The following ANKRD30B variants were observed in gnomAD, a reference collection of about 807,000 sequenced individuals.
ANKRD30B encodes ankyrin repeat domain 30B.
In ANKRD30B, 144 loss-of-function variants were observed where a neutral mutation model predicts 202.2. That is an observed-to-expected ratio of 0.71 (90% CI 0.62 to 0.82). ANKRD30B has a LOEUF of 0.82. Among genes scored for constraint, ANKRD30B ranks in the 40% least tolerant of loss-of-function variants. The pLI is 0.00. For missense variants in ANKRD30B, 1,487 were observed against 1,669.1 expected (o/e 0.89, Z 1.90); for synonymous variants, 508 against 561.3 (o/e 0.91, Z 1.34).
At chr18:14,798,293 AG>A (rs1403837741) in intron 20 of ANKRD30B, among the ~76,000 whole-genome samples, 1 of 152,090 alleles carries the variant, frequency 6.6e-6, no homozygotes, top group Non-Finnish European at 1.5e-5. Context: ...TTTGATTATG[AG>A]GTGAGATGGT....
chr18:14,842,531 G>A (rs28454867), intron 37 of ANKRD30B, among the ~76,000 whole-genome samples: 60,483 of 151,788 alleles, frequency 0.4, 13,436 homozygotes, highest in East Asian at 0.58. Context: ...AATATATGGC[G>A]TAGGATTCTA....
At chr18:14,766,386 T>C (rs1367472752) in intron 7 of ANKRD30B, among the ~76,000 whole-genome samples, 1 of 136,450 alleles carries the variant, frequency 7.3e-6, no homozygotes, top group Non-Finnish European at 1.5e-5. Flanking sequence ...GGCAGGAGAA[T>C]GGCATGAACC....
the ANKRD30B span, among the ~76,000 whole-genome samples, chr18:14,889,830 A>G: frequency 2.0e-5 from 3 of 151,972 alleles, no homozygotes; most frequent in East Asian, 1.9e-4. Flanking sequence ...TCACACAGAA[A>G]ACATTTTTTC....
At chr18:14,753,451 A>G (rs1372618446) in intron 3 of ANKRD30B, among the ~76,000 whole-genome samples, 1 of 152,138 alleles carries the variant, frequency 6.6e-6, no homozygotes, top group Non-Finnish European at 1.5e-5. Context: ...TTCTAGCTTT[A>G]CACAAAGCAT....
chr18:14,768,228 T>C (rs1170190875), intron 7 of ANKRD30B, among the ~76,000 whole-genome samples: 1 of 152,182 alleles, frequency 6.6e-6, no homozygotes, highest in African/African-American at 2.4e-5. Context: ...ACCTTCCAGA[T>C]AGCTGAACAT....
At chr18:14,933,507 G>A in the ANKRD30B span, among the ~76,000 whole-genome samples, 1 of 152,102 alleles carries the variant, frequency 6.6e-6, no homozygotes, top group African/African-American at 2.4e-5. Flanking sequence ...CAAGGGCCAG[G>A]AAATCGGGAC....
the ANKRD30B span, among the ~76,000 whole-genome samples, chr18:14,931,662 G>A: frequency 6.6e-6 from 1 of 152,124 alleles, no homozygotes; most frequent in African/African-American, 2.4e-5. Flanking sequence ...AAAATAGGCA[G>A]CTGGACAACA....
chr18:14,852,238 C>G lies in ANKRD30B; in HGVS notation c.4294C>G (p.Leu1432Val). ...TCAACTAGAAAGCAAAAATAGGTGG[C>G]TTCGACAGCAATTAGTTTATGCACA... ...LFQLESKNRW[L>V]RQQLVYAHKK... The change falls in exon 42 of 44, where the codon CTT (leucine) becomes GTT (valine). Residue 1432 changes from leucine to valine, a missense_variant. Leu to Val is a conservative substitution (Grantham distance 32). Around this residue, in one of 6 missense-constraint regions of ANKRD30B, gnomAD observed 182 missense variants for 216.0 expected, o/e 0.84. Transcript: ENST00000690538. The G allele has an allele frequency of 6.4e-7, 1 of 1,567,318 alleles. No individual in the cohort carries two copies. Among genetic ancestry groups the G allele is most frequent in the Non-Finnish European group, 8.7e-7 (1 of 1,155,448 alleles).
At chr18:14,766,107 G>A (rs982976486) in intron 7 of ANKRD30B, among the ~76,000 whole-genome samples, 1 of 151,960 alleles carries the variant, frequency 6.6e-6, no homozygotes, top group African/African-American at 2.4e-5. Context: ...AAAAAGCTAG[G>A]GGACAGAGAA....
chr18:14,921,321 G>A, the ANKRD30B span, among the ~76,000 whole-genome samples: 3 of 150,306 alleles, frequency 2.0e-5, no homozygotes, highest in African/African-American at 7.5e-5. Context: ...CAGCAGAGGT[G>A]GAGAGGGCAG....
intron 7 of ANKRD30B, among the ~76,000 whole-genome samples, chr18:14,764,812 A>C (rs780049680): frequency 3.3e-5 from 5 of 152,218 alleles, no homozygotes; most frequent in Non-Finnish European, 7.3e-5. Context: ...GAAAACTTGG[A>C]AGCTTGCAAT....
the ANKRD30B span, among the ~76,000 whole-genome samples, chr18:14,875,887 T>G: frequency 6.6e-6 from 1 of 152,138 alleles, no homozygotes; most frequent in Non-Finnish European, 1.5e-5. Flanking sequence ...CAATGGGCGC[T>G]AAGAATTCTT....
intron 34 of ANKRD30B, among the ~76,000 whole-genome samples, chr18:14,832,234 T>C (rs1206423966): frequency 1.3e-5 from 2 of 152,150 alleles, no homozygotes; most frequent in African/African-American, 4.8e-5. Flanking sequence ...GAAATGTAAA[T>C]TCTCTTTCTC....
At chr18:14,769,978 T>C (rs1439341305) in intron 8 of ANKRD30B, among the ~76,000 whole-genome samples, 1 of 152,224 alleles carries the variant, frequency 6.6e-6, no homozygotes, top group African/African-American at 2.4e-5. Context: ...TAGTGGAGAA[T>C]AGATATAGAT....
chr18:14,831,826 CTT>C (rs1970958211), intron 34 of ANKRD30B, among the ~76,000 whole-genome samples: 1 of 152,086 alleles, frequency 6.6e-6, no homozygotes, highest in South Asian at 2.1e-4. Flanking sequence ...CTTACTGTGA[CTT>C]TTAAAATTAT....
chr18:14,833,273 A>AG (rs1732506611), intron 34 of ANKRD30B, among the ~76,000 whole-genome samples: 2 of 151,100 alleles, frequency 1.3e-5, no homozygotes. Flanking sequence ...TTTGAGACGG[A>AG]GTCTCGCTCT....
At chr18:14,874,939 G>T in the ANKRD30B span, among the ~76,000 whole-genome samples, 1 of 152,210 alleles carries the variant, frequency 6.6e-6, no homozygotes. Flanking sequence ...CTCATGAGAG[G>T]TCAAGGCCGC....
rs1234318367 is a variant in ANKRD30B, at chr18:14,852,271, G to A, written c.4327G>A (p.Val1443Ile). ...RQQLVYAHKK[V>I]NKSKVTINIQ... ...GCAATTAGTTTATGCACATAAGAAAGTTAACAAAAGCAAGGTAACAATTAA... is the reference window on the plus strand; with the variant it reads ...GCAATTAGTTTATGCACATAAGAAAATTAACAAAAGCAAGGTAACAATTAA... Residue 1443 changes from valine (V) to isoleucine (I), a missense_variant, in exon 42 of 44, where the codon GTT (valine) becomes ATT (isoleucine). Physicochemically the swap from Val to Ile is conservative, Grantham distance 29 (BLOSUM62 3). Transcript: ENST00000690538. The A allele has an allele frequency of 9.7e-6, 15 of 1,547,102 alleles. No individual in the cohort carries two copies. The highest frequency in any genetic ancestry group is 1.3e-5 in the Non-Finnish European group (15 of 1,145,930).
Position 14,760,599 on chromosome 18 carries a change from T to C in ANKRD30B, c.801T>C (p.Asn267=). The C allele has an allele frequency of 6.5e-7, 1 of 1,535,558 alleles. No homozygotes were observed. The highest frequency in any genetic ancestry group is 8.8e-7 in the Non-Finnish European group (1 of 1,137,850). Residue 267 remains asparagine (N), a synonymous_variant, in exon 6 of 44, where the codon AAT becomes AAC. Transcript: ENST00000690538. ...LLEHIRKLPK[N]PQNTNPEGTS... Reference sequence around the variant, plus strand: ...AACATATACGAAAATTACCTAAAAATCCTCAAAATACCAATCCAGGTAAGA... The same window carrying C: ...AACATATACGAAAATTACCTAAAAACCCTCAAAATACCAATCCAGGTAAGA...
Sources: allele counts gnomAD v4.1 joint callset (sites outside exome capture counted in the v4.1 genomes callset), GRCh38; gene constraint gnomAD v4.1.1; regional missense constraint gnomAD v4.1.1; transcripts MANE v1.5; gene names NCBI Gene and HGNC (gene_info 2026-07-23, HGNC 2026-07-21).